The following SYT2 variants were observed in gnomAD, a reference collection of about 807,000 sequenced individuals.
SYT2 encodes the protein synaptotagmin 2.
SYT2 carries 15 observed loss-of-function variants against 39.9 expected under a neutral mutation model. The ratio of observed to expected loss-of-function variants is 0.38; its 90% CI spans 0.25 to 0.58. SYT2 has a LOEUF of 0.58. Ranked by LOEUF, SYT2 falls within the 20% of genes least tolerant of loss-of-function variation. The pLI, the probability that SYT2 is intolerant of heterozygous loss-of-function variation, is 0.70. For synonymous variants in SYT2, 181 were observed against 204.5 expected (o/e 0.89, Z 0.98); for missense variants, 389 against 530.3 (o/e 0.73, Z 2.62).
rs747892848 is a variant in SYT2 at position 202,602,453 on chromosome 1, G to C, written c.558C>G (p.Asp186Glu). Reference sequence around the variant, plus strand: ...CTTTGGTCTCATATTTCTTCTTCTTGTCAGGAAGGAGGAAGACCTTGACAT... The same window carrying C: ...CTTTGGTCTCATATTTCTTCTTCTTCTCAGGAAGGAGGAAGACCTTGACAT... ...DPYVKVFLLP[D>E]KKKKYETKVH... Residue 186 changes from aspartate to glutamate, a missense_variant, in exon 5 of 9, where the codon GAC becomes GAG. By Grantham distance (45) the Asp-to-Glu change is conservative. This residue lies in a region of SYT2 where 280 missense variants were observed against 335.6 expected (regional missense o/e 0.83). Transcript: ENST00000367268. 6.2e-7 allele frequency: 1 copy of C among 1,614,146 alleles called. No homozygotes were observed. Among genetic ancestry groups the C allele is most frequent in the South Asian group, 1.1e-5 (1 of 91,080 alleles).
intron 1 of SYT2, among the ~76,000 whole-genome samples, chr1:202,699,732 CAG>C (rs1654064844): frequency 6.6e-6 from 1 of 151,986 alleles, no homozygotes; most frequent in Non-Finnish European, 1.5e-5. Flanking sequence ...GAAAAAATGA[CAG>C]AATATACAGG....
At chr1:202,631,941 T>C (rs1365811271) in intron 1 of SYT2, 5 of 756,998 alleles carry the variant, frequency 6.6e-6, no homozygotes, top group Admixed American at 6.3e-5. Context: ...TTGCTGCTGA[T>C]TGGCCTCATT....
At chr1:202,691,746 A>G (rs1572682489) in intron 1 of SYT2, among the ~76,000 whole-genome samples, 2 of 91,568 alleles carry the variant, frequency 2.2e-5, no homozygotes, top group African/African-American at 8.9e-5. Flanking sequence ...AGAGAGAGAG[A>G]GAGAGAGAGA....
Position 202,596,084 on chromosome 1 carries a change from T to A in SYT2, c.*673A>T, listed in dbSNP as rs1200502498. 2.0e-5 allele frequency: 3 copies of A among 152,126 alleles called. No individual in the cohort carries two copies. The highest frequency in any genetic ancestry group is 1.5e-5 in the Non-Finnish European group (1 of 68,050). The allele number at this position is 152,126 out of a possible 1,614,324, so 9.4% of individuals were successfully genotyped here. ...TGAAAGCCCCGATATCTGAACAGGA[T>A]CCTGAGACTTTGCCATAGATGAGAG... On this transcript the variant is annotated 3_prime_UTR_variant, in exon 9 of 9. Coordinates refer to ENST00000367268, the MANE Select transcript of SYT2 (RefSeq NM_177402.5).
chr1:202,654,340 C>T (rs530345435), intron 1 of SYT2, among the ~76,000 whole-genome samples: 5 of 152,184 alleles, frequency 3.3e-5, no homozygotes, highest in Non-Finnish European at 7.3e-5. Context: ...CCCTGGCAGA[C>T]CCACTTTCTG....
At chr1:202,701,053 A>C (rs1654109387) in intron 1 of SYT2, among the ~76,000 whole-genome samples, 1 of 152,244 alleles carries the variant, frequency 6.6e-6, no homozygotes, top group Admixed American at 6.5e-5. Context: ...GATGAATTTC[A>C]TTAAACAATA....
intron 1 of SYT2, among the ~76,000 whole-genome samples, chr1:202,619,306 A>AC (rs1339312096): frequency 1.3e-5 from 2 of 152,102 alleles, no homozygotes; most frequent in African/African-American, 4.8e-5. Flanking sequence ...GGTCAGAATC[A>AC]CCCGAGCAGG....
rs1035567396 is a variant in SYT2 at position 202,621,402 on chromosome 1, T to G, written c.-17-15613A>C. ...CCTTCAAACTCCTGGGCCCAAGCAA[T>G]CCTCCCACCTCAGCCTCCCAAGGAG... On this transcript the variant is annotated intron_variant, in intron 1 of 8. Coordinates refer to ENST00000367268, the MANE Select transcript of SYT2 (RefSeq NM_177402.5). 1.3e-5 allele frequency among the ~76,000 whole-genome samples: 2 copies of G among 151,984 alleles called. 1 individual carries two copies. The highest frequency in any genetic ancestry group is 2.9e-5 in the Non-Finnish European group (2 of 67,972).
chr1:202,691,648 T>A (rs1230505759), intron 1 of SYT2, among the ~76,000 whole-genome samples: 1 of 135,714 alleles, frequency 7.4e-6, no homozygotes, highest in African/African-American at 2.8e-5. Flanking sequence ...AGACCCTGTC[T>A]CAAAAAGGGA....
intron 1 of SYT2, among the ~76,000 whole-genome samples, chr1:202,642,422 C>G (rs971168635): frequency 6.6e-6 from 1 of 152,034 alleles, no homozygotes; most frequent in African/African-American, 2.4e-5. Flanking sequence ...TCCTGAGATT[C>G]AGAGAGGTGC....
intron 1 of SYT2, among the ~76,000 whole-genome samples, chr1:202,679,445 C>A (rs1030058759): frequency 2.6e-5 from 4 of 152,240 alleles, no homozygotes; most frequent in African/African-American, 9.6e-5. Context: ...CAGCTCCAGG[C>A]ACCATCATTG....
At chr1:202,619,379 G>T (rs150830179) in intron 1 of SYT2, among the ~76,000 whole-genome samples, 53 of 152,304 alleles carry the variant, frequency 3.5e-4, no homozygotes, top group African/African-American at 7.0e-4. Flanking sequence ...GCTGGGGGTG[G>T]GGAGAGATGC....
At chr1:202,643,538 T>G (rs1234704801) in intron 1 of SYT2, 1 of 152,342 alleles carries the variant, frequency 6.6e-6, no homozygotes, top group Non-Finnish European at 1.5e-5. Context: ...CACATTCGCC[T>G]GCACACAGCG....
intron 1 of SYT2, among the ~76,000 whole-genome samples, chr1:202,657,350 C>A (rs1692295258): frequency 6.6e-6 from 1 of 152,244 alleles, no homozygotes; most frequent in Non-Finnish European, 1.5e-5. Flanking sequence ...GGGCCTCTTT[C>A]TCCACCTACG....
chr1:202,703,028 C>T (rs915263623), intron 1 of SYT2, among the ~76,000 whole-genome samples: 4 of 152,178 alleles, frequency 2.6e-5, no homozygotes, highest in Non-Finnish European at 5.9e-5. Flanking sequence ...AAACTGCTTC[C>T]CGAGTCACTT....
At chr1:202,644,696 C>CCA (rs1272023036) in intron 1 of SYT2, among the ~76,000 whole-genome samples, 1 of 152,008 alleles carries the variant, frequency 6.6e-6, no homozygotes, top group Non-Finnish European at 1.5e-5. Flanking sequence ...ATCCCCCAAC[C>CCA]CACACACACA....
chr1:202,608,327 T>G (rs1242722696), intron 1 of SYT2, among the ~76,000 whole-genome samples: 1 of 151,008 alleles, frequency 6.6e-6, no homozygotes, highest in Non-Finnish European at 1.5e-5. Flanking sequence ...GTCACCCAGC[T>G]GGAGTGCAGT....
intron 1 of SYT2, among the ~76,000 whole-genome samples, chr1:202,612,506 T>C (rs1331847720): frequency 6.6e-6 from 1 of 152,198 alleles, no homozygotes; most frequent in Non-Finnish European, 1.5e-5. Flanking sequence ...TAGCTAGGAC[T>C]ACAGCCCCAT....
At position 202,630,068 on chromosome 1, in the gene SYT2, G is replaced by C. The variant is rs2149090106; in HGVS notation, c.-17-24279C>G. Among the ~76,000 whole-genome samples, 2 of 152,290 alleles carry C rather than the reference G, an allele frequency of 1.3e-5. 1 individual carries two copies. Among genetic ancestry groups the C allele is most frequent in the Non-Finnish European group, 2.9e-5 (2 of 68,036 alleles). On this transcript the variant is annotated intron_variant, in intron 1 of 8. Transcript: ENST00000367268. The stretch of plus-strand genomic sequence containing the variant: ...AGAAATGACCAGGAATGGGAGGAAA[G>C]CTCCGAAGAACAGAAAATGACTCCA...
Sources: allele counts gnomAD v4.1 joint callset (sites outside exome capture counted in the v4.1 genomes callset), GRCh38; gene constraint gnomAD v4.1.1; regional missense constraint gnomAD v4.1.1; transcripts MANE v1.5; gene names NCBI Gene and HGNC (gene_info 2026-07-23, HGNC 2026-07-21).